The following GALNT18 variants were observed in gnomAD, a reference collection of about 807,000 sequenced individuals.
GALNT18 encodes the protein GalNAc-transferase 18.
A neutral mutation model predicts 69.5 loss-of-function variants in GALNT18; 44 were observed. The observed-to-expected ratio is 0.63, with a 90% confidence interval of 0.50 to 0.81. The LOEUF is 0.81. Ranked by LOEUF, GALNT18 falls within the 40% of genes least tolerant of loss-of-function variation. The pLI is 0.00. For missense variants in GALNT18, 715 were observed against 810.0 expected, an observed-to-expected ratio of 0.88 and a Z score of 1.42; for synonymous variants, 364 against 318.2, an observed-to-expected ratio of 1.14 and a Z score of -1.53.
At chr11:11,502,806 T>A (rs1188343815) in intron 1 of GALNT18, among the ~76,000 whole-genome samples, 3 of 152,156 alleles carry the variant, frequency 2.0e-5, no homozygotes, top group Admixed American at 2.0e-4. Flanking sequence ...GCGTAGCGTA[T>A]CCTCAGATAA....
At position 11,376,376 on chromosome 11, in the gene GALNT18, C is replaced by T. The variant is rs182239978; in HGVS notation, c.977+806G>A. ...CAGCCTGGGTGACAGAGTGAGACTCCGTCTCAAAAACAAAAACAAACACAG... is the reference window on the plus strand; with the variant it reads ...CAGCCTGGGTGACAGAGTGAGACTCTGTCTCAAAAACAAAAACAAACACAG... On this transcript the variant is annotated intron_variant, in intron 5 of 10. Transcript: ENST00000227756. Among the ~76,000 whole-genome samples the T allele has an allele frequency of 9.7e-3, 546 of 56,500 alleles. 4 individuals carry two copies. Among genetic ancestry groups the T allele is most frequent in the South Asian group, 0.018 (39 of 2,218 alleles). 37.1% of individuals were successfully genotyped at this position (56,500 alleles called of 152,430 possible).
intron 1 of GALNT18, among the ~76,000 whole-genome samples, chr11:11,518,117 C>A (rs1369783709): frequency 6.6e-6 from 1 of 152,190 alleles, no homozygotes; most frequent in Non-Finnish European, 1.5e-5. Flanking sequence ...TAAAACCAGG[C>A]TGCAGAGAAC....
chr11:11,372,217 C>T lies in GALNT18; in HGVS notation c.1092+298G>A, dbSNP rs1464348346. ...GCCTGTTATTGCTTCCTAGAGCACA[C>T]CTTTGCTCACTCTGATGGGCCTCAG... On this transcript the variant is annotated intron_variant, in intron 6 of 10. Coordinates refer to ENST00000227756, the MANE Select transcript of GALNT18 (RefSeq NM_198516.3). The surrounding 1 kb of genome is among the most constrained non-coding windows in gnomAD (Gnocchi z 4.9). 6.6e-6 allele frequency among the ~76,000 whole-genome samples: 1 copy of T among 152,162 alleles called. No individual in the cohort carries two copies. The highest frequency in any genetic ancestry group is 1.5e-5 in the Non-Finnish European group (1 of 68,034).
rs1402653548 is a variant in GALNT18, at chr11:11,340,802, C to G, written c.1278+17G>C. 2.5e-6 allele frequency: 4 copies of G among 1,591,686 alleles called. No individual in the cohort carries two copies. Among genetic ancestry groups the G allele is most frequent in the Non-Finnish European group, 3.4e-6 (4 of 1,167,396 alleles). Reference sequence around the variant, plus strand: ...CCACCAATCCCCGAGAAACTCATCCCTACCGGAGATCCCTACCTCCTGCGG... The same window carrying G: ...CCACCAATCCCCGAGAAACTCATCCGTACCGGAGATCCCTACCTCCTGCGG... On this transcript the variant is annotated intron_variant, in intron 7 of 10. Coordinates refer to ENST00000227756, the MANE Select transcript of GALNT18 (RefSeq NM_198516.3). The surrounding 1 kb of genome is among the most constrained non-coding windows in gnomAD (Gnocchi z 4.2).
At chr11:11,609,747 C>T (rs1167520923) in intron 1 of GALNT18, among the ~76,000 whole-genome samples, 1 of 152,172 alleles carries the variant, frequency 6.6e-6, no homozygotes, top group Non-Finnish European at 1.5e-5. Flanking sequence ...CCTTGGTGTC[C>T]ACCTCCTATA....
Position 11,434,177 on chromosome 11 carries a change from C to T in GALNT18, c.429-1390G>A, listed in dbSNP as rs574982940. On this transcript the variant is annotated intron_variant, in intron 2 of 10. Coordinates refer to ENST00000227756, the MANE Select transcript of GALNT18 (RefSeq NM_198516.3). ...ACTAAGATCAGCATCTCCATGGTTACCAGAAATTTACAGAAACTTTTCCCA... is the reference window on the plus strand; with the variant it reads ...ACTAAGATCAGCATCTCCATGGTTATCAGAAATTTACAGAAACTTTTCCCA... Among the ~76,000 whole-genome samples the T allele has an allele frequency of 2.2e-4, 33 of 152,232 alleles. No homozygotes were observed. In the South Asian group the frequency reaches 6.9e-3, roughly 32 times the overall value.
intron 9 of GALNT18, among the ~76,000 whole-genome samples, chr11:11,298,223 G>A (rs867999515): frequency 7.2e-5 from 11 of 152,244 alleles, no homozygotes; most frequent in African/African-American, 2.4e-4. Context: ...TCACCTGGCT[G>A]ATGGAAACTC....
chr11:11,577,961 A>C (rs1298184613), intron 1 of GALNT18, among the ~76,000 whole-genome samples: 1 of 151,524 alleles, frequency 6.6e-6, no homozygotes, highest in African/African-American at 2.4e-5. Context: ...GAGAAGGAGA[A>C]AGCCAGCCTC....
chr11:11,284,318 G>C (rs150867635), intron 10 of GALNT18, among the ~76,000 whole-genome samples: 9 of 152,318 alleles, frequency 5.9e-5, no homozygotes, highest in East Asian at 1.9e-4. Flanking sequence ...GAATGTAAGA[G>C]TTAGAGTCAC....
In GALNT18 at chr11:11,494,927, T is replaced by C. The variant is rs965407300; in HGVS notation, c.236-45991A>G. On this transcript the variant is annotated intron_variant, in intron 1 of 10. Transcript: ENST00000227756. This position sits in a 1 kb window ranked among gnomAD's most constrained non-coding sequence, Gnocchi z 5.7. ...AGGAAAATGCAATAACATGGAGTTA[T>C]AAGCCAATCACATGCTCTGTGATTT... 6.6e-6 allele frequency among the ~76,000 whole-genome samples: 1 copy of C among 151,942 alleles called. No individual in the cohort carries two copies.
chr11:11,398,727 C>T (rs1261489612), intron 3 of GALNT18, among the ~76,000 whole-genome samples: 1 of 152,162 alleles, frequency 6.6e-6, no homozygotes, highest in African/African-American at 2.4e-5. Context: ...GTTGGAAAAC[C>T]AGATGGACGC....
rs973895025 is a variant in GALNT18 at position 11,444,458 on chromosome 11, C to T, written c.428+4286G>A. 1.3e-5 allele frequency among the ~76,000 whole-genome samples: 2 copies of T among 152,206 alleles called. No individual in the cohort carries two copies. Among genetic ancestry groups the T allele is most frequent in the African/African-American group, 4.8e-5 (2 of 41,448 alleles). On this transcript the variant is annotated intron_variant, in intron 2 of 10. Transcript: ENST00000227756. This position sits in a 1 kb window ranked among gnomAD's most constrained non-coding sequence, Gnocchi z 4.4. ...AACTCCAGGAGATATCCGTCCGACG[C>T]TTTGTTGGGTGCCGGGCACATCATG... is the stretch of plus-strand genomic sequence containing the variant.
chr11:11,377,895 C>A lies in GALNT18; in HGVS notation c.780-516G>T, dbSNP rs188819134. On this transcript the variant is annotated intron_variant, in intron 4 of 10. Coordinates refer to ENST00000227756, the MANE Select transcript of GALNT18 (RefSeq NM_198516.3). This position sits in a 1 kb window ranked among gnomAD's most constrained non-coding sequence, Gnocchi z 4.6. ...TGCCAGCTGTGCCACATCCACCCCCCAAAGCGTTTCCCAACCACCCAAGGA... is the reference window on the plus strand; with the variant it reads ...TGCCAGCTGTGCCACATCCACCCCCAAAAGCGTTTCCCAACCACCCAAGGA... Among the ~76,000 whole-genome samples the A allele has an allele frequency of 2.0e-5, 3 of 152,282 alleles. No homozygotes were observed. Among genetic ancestry groups the A allele is most frequent in the East Asian group, 3.9e-4 (2 of 5,172 alleles).
chr11:11,391,278 T>A (rs1854185047), intron 3 of GALNT18, among the ~76,000 whole-genome samples: 1 of 152,254 alleles, frequency 6.6e-6, no homozygotes, highest in Non-Finnish European at 1.5e-5. Context: ...TGCAAGGTAC[T>A]CCTAAGATCT....
chr11:11,571,052 C>G (rs1233129455), intron 1 of GALNT18, among the ~76,000 whole-genome samples: 1 of 152,220 alleles, frequency 6.6e-6, no homozygotes, highest in East Asian at 1.9e-4. Context: ...ATGGGCCACC[C>G]TAAGAACCTC....
intron 9 of GALNT18, among the ~76,000 whole-genome samples, chr11:11,325,860 C>A (rs962064319): frequency 1.8e-4 from 28 of 151,976 alleles, no homozygotes; most frequent in Non-Finnish European, 2.9e-4. Flanking sequence ...CAACTCAGTC[C>A]CCAAAAAGGA....
chr11:11,321,744 A>T (rs1849842998), intron 9 of GALNT18, among the ~76,000 whole-genome samples: 1 of 152,232 alleles, frequency 6.6e-6, no homozygotes, highest in African/African-American at 2.4e-5. Context: ...CTGGAATTAC[A>T]GGTGTGTGCC....
chr11:11,550,306 T>A (rs1565007065), intron 1 of GALNT18, among the ~76,000 whole-genome samples: 1 of 152,176 alleles, frequency 6.6e-6, no homozygotes, highest in Non-Finnish European at 1.5e-5. Context: ...CCCAAAGGCT[T>A]CCATGCTTCG....
In GALNT18 at chr11:11,600,668, A is replaced by C. The variant is rs1859611420; in HGVS notation, c.235+20691T>G. Reference sequence around the variant, plus strand: ...AACCTTGTTGAGCTTCTTGGATATAAAGATTAATATTCTTTCTCAAATTTG... The same window carrying C: ...AACCTTGTTGAGCTTCTTGGATATACAGATTAATATTCTTTCTCAAATTTG... On this transcript the variant is annotated intron_variant, in intron 1 of 10. Coordinates refer to ENST00000227756, the MANE Select transcript of GALNT18 (RefSeq NM_198516.3). This position sits in a 1 kb window ranked among gnomAD's most constrained non-coding sequence, Gnocchi z 4.8. Among the ~76,000 whole-genome samples the C allele has an allele frequency of 1.3e-5, 2 of 152,096 alleles. No individual in the cohort carries two copies. The highest frequency in any genetic ancestry group is 2.9e-5 in the Non-Finnish European group (2 of 67,990).
Sources: gnomAD v4.1 joint callset for allele counts (sites outside exome capture counted in the v4.1 genomes callset) on GRCh38, gnomAD v4.1.1 for gene constraint, Gnocchi (gnomAD v3.1) non-coding constraint, MANE v1.5 for transcripts, NCBI Gene and HGNC (gene_info 2026-07-23, HGNC 2026-07-21) for gene names.